Variants in CHST9 observed in about 807,000 individuals in gnomAD.
The protein encoded by CHST9 is GalNAc-4-sulfotransferase 2.
A neutral mutation model predicts 44.4 loss-of-function variants in CHST9; 41 were observed. That is an observed-to-expected ratio of 0.92 (90% CI 0.72 to 1.20). CHST9 has a LOEUF of 1.20. CHST9 is among the 50% of genes most tolerant of loss of function. The pLI is 0.00. For missense variants in CHST9, 504 were observed against 516.5 expected, an observed-to-expected ratio of 0.98 and a Z score of 0.23; for synonymous variants, 171 against 178.4, an observed-to-expected ratio of 0.96 and a Z score of 0.33.
chr18:26,999,194 CAG>C (rs1568126953), intron 4 of CHST9, among the ~76,000 whole-genome samples: 1 of 152,168 alleles, frequency 6.6e-6, no homozygotes, highest in African/African-American at 2.4e-5. Flanking sequence ...TTATATGAAA[CAG>C]TATTTGCTTA....
chr18:27,060,566 T>A (rs1164321356), intron 2 of CHST9, among the ~76,000 whole-genome samples: 1 of 152,112 alleles, frequency 6.6e-6, no homozygotes, highest in Non-Finnish European at 1.5e-5. Context: ...AGAGCTAAGA[T>A]TTGCACAAGA....
At chr18:27,132,664 C>T (rs903206478) in intron 2 of CHST9, among the ~76,000 whole-genome samples, 1 of 152,100 alleles carries the variant, frequency 6.6e-6, no homozygotes, top group African/African-American at 2.4e-5. Context: ...TCTGCTTTAC[C>T]CTCTACTCTA....
chr18:27,142,790 A>G lies in CHST9; in HGVS notation c.20T>C (p.Val7Ala). MQPSEM[V>A]MNPKQVFLSV... ...GAGGAAGACTTGTTTGGGGTTCATGACCATTTCAGATGGCTGCATTTCTCC... is the reference window on the plus strand; with the variant it reads ...GAGGAAGACTTGTTTGGGGTTCATGGCCATTTCAGATGGCTGCATTTCTCC... The change falls in exon 2 of 6, where the codon GTC (valine) becomes GCC (alanine). Residue 7 changes from valine to alanine, a missense_variant. Transcript: ENST00000618847. 6.2e-7 allele frequency: 1 copy of G among 1,610,074 alleles called. No homozygotes were observed. The highest frequency in any genetic ancestry group is 8.5e-7 in the Non-Finnish European group (1 of 1,178,478).
At chr18:27,095,787 C>G (rs922190792) in intron 2 of CHST9, among the ~76,000 whole-genome samples, 1 of 152,036 alleles carries the variant, frequency 6.6e-6, no homozygotes, top group African/African-American at 2.4e-5. Context: ...ATACATAGAA[C>G]AAGAACTTCT....
chr18:26,975,676 T>C (rs1218813739), intron 4 of CHST9, among the ~76,000 whole-genome samples: 2 of 138,248 alleles, frequency 1.4e-5, no homozygotes, highest in South Asian at 2.3e-4. Flanking sequence ...TATAAATATA[T>C]GTATATATGT....
At chr18:26,980,186 T>C (rs1239164624) in intron 4 of CHST9, among the ~76,000 whole-genome samples, 4 of 152,138 alleles carry the variant, frequency 2.6e-5, no homozygotes, top group East Asian at 1.9e-4. Context: ...CCCTTCACTA[T>C]AGAGTTAGGA....
At chr18:27,101,463 G>A (rs1300154701) in intron 2 of CHST9, among the ~76,000 whole-genome samples, 3 of 149,996 alleles carry the variant, frequency 2.0e-5, no homozygotes, top group Non-Finnish European at 4.5e-5. Flanking sequence ...TGCGGTGGCG[G>A]GCGCCTGTAG....
At chr18:27,034,544 C>T in intron 3 of CHST9, among the ~76,000 whole-genome samples, 1 of 152,126 alleles carries the variant, frequency 6.6e-6, no homozygotes. Context: ...AAACTGCTTC[C>T]CACAGTCTAT....
chr18:27,042,903 G>T (rs1462727259), intron 3 of CHST9, among the ~76,000 whole-genome samples: 1 of 151,442 alleles, frequency 6.6e-6, no homozygotes, highest in African/African-American at 2.4e-5. Context: ...CCAACCCCTT[G>T]TCACTTGGTT....
intron 5 of CHST9, among the ~76,000 whole-genome samples, chr18:26,931,628 G>A (rs1272791987): frequency 6.6e-6 from 1 of 152,078 alleles, no homozygotes; most frequent in African/African-American, 2.4e-5. Flanking sequence ...TTATTTCAAC[G>A]GGCAAGGAAA....
chr18:27,076,042 C>G (rs1304735017), intron 2 of CHST9, among the ~76,000 whole-genome samples: 7 of 152,146 alleles, frequency 4.6e-5, no homozygotes, highest in Non-Finnish European at 8.8e-5. Context: ...GTGTCATTAC[C>G]ATTGTTATCG....
At chr18:27,106,660 A>G (rs1215229053) in intron 2 of CHST9, among the ~76,000 whole-genome samples, 2 of 152,230 alleles carry the variant, frequency 1.3e-5, no homozygotes, top group African/African-American at 4.8e-5. Flanking sequence ...TAAAAAATTT[A>G]GGAGTAAAGC....
chr18:26,929,869 A>G (rs2145083116), intron 5 of CHST9, among the ~76,000 whole-genome samples: 1 of 152,038 alleles, frequency 6.6e-6, no homozygotes, highest in East Asian at 1.9e-4. Context: ...CGTAAGTGAC[A>G]CTCCTTTTCC....
At chr18:27,160,611 G>A (rs560590024) in intron 1 of CHST9, among the ~76,000 whole-genome samples, 1 of 152,268 alleles carries the variant, frequency 6.6e-6, no homozygotes, top group South Asian at 2.1e-4. Flanking sequence ...GTATCAGGAT[G>A]ATGCTGGCCA....
At chr18:27,056,403 G>A (rs1380774037) in intron 2 of CHST9, among the ~76,000 whole-genome samples, 1 of 152,128 alleles carries the variant, frequency 6.6e-6, no homozygotes, top group Non-Finnish European at 1.5e-5. Context: ...CTTTTTAGCT[G>A]TGGTGATTAA....
Position 26,916,744 on chromosome 18 carries a change from T to A in CHST9, c.847A>T (p.Met283Leu). 1 of 1,613,896 alleles carries A rather than the reference T, an allele frequency of 6.2e-7. No individual in the cohort carries two copies. The highest frequency in any genetic ancestry group is 8.5e-7 in the Non-Finnish European group (1 of 1,179,826). ...CTAAAGGCTGATACTAATCTTTCCATGGGATCACGAACAAACACAGCTTTG... is the reference window on the plus strand; with the variant it reads ...CTAAAGGCTGATACTAATCTTTCCAAGGGATCACGAACAAACACAGCTTTG... ...YTKAVFVRDP[M>L]ERLVSAFRDK... Residue 283 changes from methionine (M) to leucine (L), a missense_variant, in exon 6 of 6, where the codon ATG becomes TTG. By Grantham distance (15) the Met-to-Leu change is conservative (BLOSUM62 2). Coordinates refer to ENST00000618847, the MANE Select transcript of CHST9 (RefSeq NM_031422.6).
At chr18:27,166,215 C>A (rs2058788978) in intron 1 of CHST9, among the ~76,000 whole-genome samples, 1 of 152,126 alleles carries the variant, frequency 6.6e-6, no homozygotes, top group Non-Finnish European at 1.5e-5. Context: ...TCATATTTCT[C>A]AATGCCTACT....
intron 2 of CHST9, among the ~76,000 whole-genome samples, chr18:27,118,181 A>G (rs2058345160): frequency 6.6e-6 from 1 of 152,164 alleles, no homozygotes; most frequent in Admixed American, 6.5e-5. Context: ...CCATCTGCTT[A>G]TCTTCTTTGG....
chr18:26,930,037 G>A (rs1003579446), intron 5 of CHST9, among the ~76,000 whole-genome samples: 2 of 152,210 alleles, frequency 1.3e-5, no homozygotes, highest in African/African-American at 4.8e-5. Context: ...AGCATCTACT[G>A]GTCCCAGATC....
Sources: allele counts gnomAD v4.1 joint callset (sites outside exome capture counted in the v4.1 genomes callset), GRCh38; gene constraint gnomAD v4.1.1; transcripts MANE v1.5; gene names NCBI Gene and HGNC (gene_info 2026-07-23, HGNC 2026-07-21).